Variants in THADA observed in about 807,000 individuals in gnomAD.
The protein encoded by THADA is THADA armadillo repeat containing.
Under a neutral mutation model 219.8 loss-of-function variants are expected in THADA, and 213 were observed. That is an observed-to-expected ratio of 0.97 (90% CI 0.87 to 1.09). The LOEUF (loss-of-function observed/expected upper bound fraction) is 1.09, where lower values mean the gene tolerates loss of function less well. Ranked by LOEUF, THADA falls within the 50% of genes least tolerant of loss-of-function variation. The probability of loss-of-function intolerance (pLI) is 0.00; values close to 1 mark genes in which losing one functional copy is unlikely to be tolerated. For synonymous variants in THADA, 1,018 were observed against 828.9 expected (o/e 1.23, Z -3.92); for missense variants, 2,956 against 2,311.3 (o/e 1.28, Z -5.72).
At chr2:43,589,752 T>A (rs1416615030) in intron 4 of THADA, among the ~76,000 whole-genome samples, 1 of 152,060 alleles carries the variant, frequency 6.6e-6, no homozygotes, top group South Asian at 2.1e-4. Flanking sequence ...GCTCAGGTGA[T>A]GTGTGCACCA....
At chr2:43,522,136 A>G (rs903365618) in intron 22 of THADA, among the ~76,000 whole-genome samples, 1 of 152,190 alleles carries the variant, frequency 6.6e-6, no homozygotes, top group Non-Finnish European at 1.5e-5. Flanking sequence ...TATTATTTCA[A>G]TGAAACTAAA....
chr2:43,416,653 G>C (rs534391998), intron 28 of THADA, among the ~76,000 whole-genome samples: 12 of 152,238 alleles, frequency 7.9e-5, no homozygotes, highest in Middle Eastern at 3.4e-3. Context: ...AACCCCAGGG[G>C]ACACATCTCA....
chr2:43,339,694 T>C (rs1573149626), intron 30 of THADA, among the ~76,000 whole-genome samples: 1 of 152,210 alleles, frequency 6.6e-6, no homozygotes, highest in East Asian at 1.9e-4. Context: ...AGAAACTAGA[T>C]AGCCAAATTC....
chr2:43,330,840 G>A (rs752006660), intron 30 of THADA, among the ~76,000 whole-genome samples: 1 of 152,198 alleles, frequency 6.6e-6, no homozygotes, highest in Non-Finnish European at 1.5e-5. Context: ...GGCCTCGGGA[G>A]AGGAAGAAAG....
intron 26 of THADA, chr2:43,430,793 C>A: frequency 3.4e-6 from 1 of 292,294 alleles, no homozygotes; most frequent in Non-Finnish European, 7.2e-6. Context: ...GTGGCTTCTA[C>A]CCACTAGATG....
Position 43,586,751 on chromosome 2 carries a change from G to T in THADA, c.452-17C>A. 6.2e-7 allele frequency: 1 copy of T among 1,612,430 alleles called. No homozygotes were observed. The highest frequency in any genetic ancestry group is 1.1e-5 in the South Asian group (1 of 90,558). ...TTGCTCTACCTGTAGAGGAAAAAAT[G>T]AACACTGGTAAGGAGTTTCACGACC... On this transcript the variant is annotated splice_polypyrimidine_tract_variant and intron_variant, in intron 5 of 37. Coordinates refer to ENST00000405975, the MANE Select transcript of THADA (RefSeq NM_022065.5).
chr2:43,341,636 G>T lies in THADA; in HGVS notation c.4343+2486C>A, dbSNP rs138699008. Among the ~76,000 whole-genome samples the T allele has an allele frequency of 4.0e-3, 606 of 152,286 alleles. 7 individuals carry two copies. The highest frequency in any genetic ancestry group is 0.014 in the African/African-American group (573 of 41,562). On this transcript the variant is annotated intron_variant, in intron 30 of 37. Transcript: ENST00000405975. ...TGCATGAAGGAGTAGCAAGCTAAGG[G>T]GGCAGAAACTCCTTCCTTACAGCAC...
chr2:43,472,461 T>A (rs967850156), intron 26 of THADA, among the ~76,000 whole-genome samples: 1 of 152,198 alleles, frequency 6.6e-6, no homozygotes, highest in Non-Finnish European at 1.5e-5. Flanking sequence ...AAGAGAATCA[T>A]TGAAAGAACC....
At position 43,592,277 on chromosome 2, in the gene THADA, C is replaced by G. The variant is rs200051886; in HGVS notation, c.76+40G>C. ...GTCATTAAAATACTCTGCTTGCAAA[C>G]TAGAAAAAAATATAATAAGGGAAAC... On this transcript the variant is annotated intron_variant, in intron 2 of 37. Transcript: ENST00000405975. The G allele has an allele frequency of 1.6e-5, 23 of 1,469,638 alleles. 1 individual carries two copies. Among genetic ancestry groups the G allele is most frequent in the African/African-American group, 9.9e-5 (7 of 70,730 alleles). The allele number at this position is 1,469,638 out of a possible 1,614,324, so 91.0% of individuals were successfully genotyped here. A position where few individuals can be genotyped will look rare whatever the true frequency, so the allele number is the denominator to read the frequency against.
At chr2:43,393,080 C>G (rs1673585148) in intron 29 of THADA, among the ~76,000 whole-genome samples, 1 of 152,132 alleles carries the variant, frequency 6.6e-6, no homozygotes, top group Non-Finnish European at 1.5e-5. Context: ...AAGGGAGGAT[C>G]TGTATTTCCA....
In THADA at chr2:43,291,381, G is replaced by C. The variant is rs144972091; in HGVS notation, c.5010+315C>G. Among the ~76,000 whole-genome samples, 46 of 142,218 alleles carry C rather than the reference G, an allele frequency of 3.2e-4. 2 individuals are homozygous for C. In the East Asian group the frequency reaches 9.2e-3, roughly 28 times the overall value. The allele number at this position is 142,218 out of a possible 152,430, so 93.3% of individuals were successfully genotyped here. On this transcript the variant is annotated intron_variant, in intron 34 of 37. Coordinates refer to ENST00000405975, the MANE Select transcript of THADA (RefSeq NM_022065.5). ...CTGGAGAAGAATCGCTTGAACCTGG[G>C]AGGCAAAGGTAGCAGTGAGCCGAGA...
intron 24 of THADA, among the ~76,000 whole-genome samples, chr2:43,499,805 A>C (rs1688709435): frequency 6.6e-6 from 1 of 152,196 alleles, no homozygotes; most frequent in Non-Finnish European, 1.5e-5. Context: ...GAAATTCAAA[A>C]AAAAATGTAC....
chr2:43,352,533 G>C (rs1668392904), intron 29 of THADA, among the ~76,000 whole-genome samples: 1 of 152,032 alleles, frequency 6.6e-6, no homozygotes, highest in Non-Finnish European at 1.5e-5. Context: ...ACTCCAACCT[G>C]GGTGACAGAG....
At chr2:43,485,921 TTTG>T (rs1304386610) in intron 25 of THADA, among the ~76,000 whole-genome samples, 1 of 151,960 alleles carries the variant, frequency 6.6e-6, no homozygotes, top group African/African-American at 2.4e-5. Flanking sequence ...CTTTTGACTT[TTTG>T]TTGTTGTTGT....
At chr2:43,587,216 T>C (rs1244539270) in intron 4 of THADA, among the ~76,000 whole-genome samples, 2 of 152,144 alleles carry the variant, frequency 1.3e-5, no homozygotes, top group African/African-American at 4.8e-5. Context: ...ATCTCCCAGA[T>C]TATTCTCAAC....
At chr2:43,342,647 C>T (rs1030190525) in intron 30 of THADA, among the ~76,000 whole-genome samples, 1 of 152,234 alleles carries the variant, frequency 6.6e-6, no homozygotes, top group African/African-American at 2.4e-5. Context: ...CCCTCTCTCA[C>T]CCCTCTTCTG....
intron 26 of THADA, among the ~76,000 whole-genome samples, chr2:43,456,649 G>C (rs1001271599): frequency 2.0e-5 from 3 of 151,666 alleles, no homozygotes; most frequent in African/African-American, 4.8e-5. Flanking sequence ...GGAATTACTT[G>C]AGAAATGAGA....
chr2:43,429,200 T>A (rs1678909168), intron 27 of THADA, among the ~76,000 whole-genome samples: 2 of 151,998 alleles, frequency 1.3e-5, no homozygotes, highest in African/African-American at 4.8e-5. Context: ...CTCTGCCTCC[T>A]GGGTTCAAGT....
At chr2:43,493,262 C>G (rs1405434358) in intron 25 of THADA, among the ~76,000 whole-genome samples, 1 of 152,150 alleles carries the variant, frequency 6.6e-6, no homozygotes, top group Non-Finnish European at 1.5e-5. Flanking sequence ...TCTGGGAGGA[C>G]AAGGCGGGTG....
Sources: gnomAD v4.1 joint callset for allele counts (sites outside exome capture counted in the v4.1 genomes callset) on GRCh38, gnomAD v4.1.1 for gene constraint, MANE v1.5 for transcripts, NCBI Gene and HGNC (gene_info 2026-07-23, HGNC 2026-07-21) for gene names.